Variants in NR1D2 observed in about 807,000 individuals in gnomAD.
NR1D2 encodes V-erbA-related protein 1-related.
Under a neutral mutation model 52.2 loss-of-function variants are expected in NR1D2, and 25 were observed. That is an observed-to-expected ratio of 0.48 (90% CI 0.35 to 0.67). The LOEUF (loss-of-function observed/expected upper bound fraction) is 0.67. Among genes scored for constraint, NR1D2 ranks in the 30% least tolerant of loss-of-function variants. The pLI, the probability that NR1D2 is intolerant of heterozygous loss-of-function variation, is 0.01. For synonymous variants in NR1D2, 259 were observed against 230.1 expected (o/e 1.13, Z -1.14); for missense variants, 681 against 707.2 (o/e 0.96, Z 0.42).
intron 3 of NR1D2, 29 bp from the exon 4 acceptor site, chr3:23,959,642 T>C (rs747737012): frequency 6.3e-7 from 1 of 1,598,612 alleles, no homozygotes; most frequent in African/African-American, 1.4e-5. Flanking sequence ...TGTTTTTAAA[T>C]GGGTAAGTAA....
At chr3:23,967,686 C>A in intron 6 of NR1D2, 127 bp from the exon 7 acceptor site, 1 of 654,816 alleles carries the variant, frequency 1.5e-6, no homozygotes. Flanking sequence ...TAAAAGTATA[C>A]CCTGTTTTTC....
Position 23,959,971 on chromosome 3 carries a change from T to C in NR1D2, c.517+156T>C, listed in dbSNP as rs1320088262. ...CATGCTTTACAGGACACCAAATTGATTAAAGTCGTATTTTAGCATTATCAT... is the reference window on the plus strand; with the variant it reads ...CATGCTTTACAGGACACCAAATTGACTAAAGTCGTATTTTAGCATTATCAT... On this transcript the variant is annotated intron_variant, in intron 4 of 7. Coordinates refer to ENST00000312521, the MANE Select transcript of NR1D2 (RefSeq NM_005126.5). 1.5e-5 allele frequency: 8 copies of C among 546,512 alleles called. No homozygotes were observed. The East Asian group carries it at 2.4e-4, about 16-fold the overall frequency. 33.9% of individuals were successfully genotyped at this position (546,512 alleles called of 1,614,324 possible).
At chr3:23,973,692 A>C (rs1706649141) in intron 7 of NR1D2, among the ~76,000 whole-genome samples, 1 of 152,164 alleles carries the variant, frequency 6.6e-6, no homozygotes, top group African/African-American at 2.4e-5. Context: ...AATTAACCTT[A>C]GCTTGCTCTG....
At chr3:23,957,437 C>G (rs1166708092) in intron 3 of NR1D2, among the ~76,000 whole-genome samples, 2 of 130,792 alleles carry the variant, frequency 1.5e-5, no homozygotes, top group South Asian at 4.7e-4. Context: ...AAGTAATAGG[C>G]CAGGTGCGGT....
intron 6 of NR1D2, among the ~76,000 whole-genome samples, chr3:23,967,062 A>T (rs1405559182): frequency 6.6e-6 from 1 of 152,182 alleles, no homozygotes; most frequent in Non-Finnish European, 1.5e-5. Context: ...GCTGTGGCTC[A>T]TGCCTGTAAT....
intron 6 of NR1D2, among the ~76,000 whole-genome samples, chr3:23,967,493 G>A (rs953574930): frequency 2.0e-5 from 3 of 152,060 alleles, no homozygotes; most frequent in African/African-American, 7.2e-5. Context: ...GCGCACACCT[G>A]TAATCCCAGC....
intron 3 of NR1D2, among the ~76,000 whole-genome samples, chr3:23,957,902 A>G (rs1481401478): frequency 2.6e-5 from 4 of 152,258 alleles, no homozygotes; most frequent in Non-Finnish European, 5.9e-5. Flanking sequence ...TAGTATCACA[A>G]TAATAAAATA....
chr3:23,959,371 CAG>C (rs1462171088), intron 3 of NR1D2, among the ~76,000 whole-genome samples: 2 of 150,952 alleles, frequency 1.3e-5, no homozygotes, highest in Non-Finnish European at 1.5e-5. Flanking sequence ...GGTCTGGTAA[CAG>C]GGTAGTGTGG....
intron 1 of NR1D2, among the ~76,000 whole-genome samples, chr3:23,951,889 G>A (rs371221866): frequency 5.3e-5 from 8 of 152,168 alleles, no homozygotes; most frequent in South Asian, 2.1e-4. Flanking sequence ...AAATAAACTC[G>A]AAGTTGGGAA....
At chr3:23,963,451 C>T in intron 5 of NR1D2, 1 of 1,141,592 alleles carries the variant, frequency 8.8e-7, no homozygotes, top group Non-Finnish European at 1.1e-6. Flanking sequence ...TAAGTCGTTG[C>T]TTTTTTGTTT....
chr3:23,961,346 G>A (rs1706236464), intron 4 of NR1D2, among the ~76,000 whole-genome samples: 1 of 145,842 alleles, frequency 6.9e-6, no homozygotes, highest in South Asian at 2.2e-4. Flanking sequence ...GCTTCAAACT[G>A]GTTTTCATTA....
At position 23,968,029 on chromosome 3, in the gene NR1D2, C is replaced by T. The variant is rs1297007766; in HGVS notation, c.1543+6C>T. 1 of 1,612,658 alleles carries T rather than the reference C, an allele frequency of 6.2e-7. No homozygotes were observed. Among genetic ancestry groups the T allele is most frequent in the East Asian group, 2.2e-5 (1 of 44,866 alleles). On this transcript the variant is annotated splice_donor_region_variant and intron_variant, in intron 7 of 7. Transcript: ENST00000312521. ...TGTTGTCCTGGTATCTGCAGGTAAG[C>T]AAGCTGGTTCAAAATTGTGCCACAC...
At chr3:23,957,184 C>T (rs1706101104) in intron 3 of NR1D2, among the ~76,000 whole-genome samples, 3 of 151,730 alleles carry the variant, frequency 2.0e-5, no homozygotes, top group South Asian at 4.2e-4. Context: ...GGTTTCATCA[C>T]ATTGGCCAGG....
chr3:23,951,036 G>C (rs1008228810), intron 1 of NR1D2, among the ~76,000 whole-genome samples: 1 of 151,776 alleles, frequency 6.6e-6, no homozygotes, highest in African/African-American at 2.4e-5. Flanking sequence ...CTCCTGAGGA[G>C]CTGGGATTAC....
At chr3:23,961,102 T>G (rs570302135) in intron 4 of NR1D2, among the ~76,000 whole-genome samples, 4 of 152,214 alleles carry the variant, frequency 2.6e-5, no homozygotes, top group Admixed American at 1.3e-4. Flanking sequence ...TTGTGGAATT[T>G]TTTTTAAGGA....
chr3:23,946,258 C>G (rs1705702922), intron 1 of NR1D2: 2 of 985,042 alleles, frequency 2.0e-6, no homozygotes, highest in South Asian at 4.7e-5. Context: ...CGCGAGGTGA[C>G]CCCAAGGCGC....
At chr3:23,950,902 CTTTT>C (rs1181448290) in intron 1 of NR1D2, among the ~76,000 whole-genome samples, 3 of 123,104 alleles carry the variant, frequency 2.4e-5, no homozygotes, top group Non-Finnish European at 3.3e-5. Context: ...CTTTCTTTTT[CTTTT>C]TTTTTTTTTT....
At chr3:23,973,423 T>G (rs1282920077) in intron 7 of NR1D2, among the ~76,000 whole-genome samples, 1 of 152,202 alleles carries the variant, frequency 6.6e-6, no homozygotes, top group Non-Finnish European at 1.5e-5. Flanking sequence ...TGTAACACAA[T>G]AAGTATTTGT....
chr3:23,968,150 G>A, intron 7 of NR1D2, 127 bp downstream of exon 7: 1 of 678,416 alleles, frequency 1.5e-6, no homozygotes, highest in South Asian at 1.8e-5. Context: ...ATGCTAAATT[G>A]TATGACCCTG....
Sources: allele counts gnomAD v4.1 joint callset (sites outside exome capture counted in the v4.1 genomes callset), GRCh38; gene constraint gnomAD v4.1.1; transcripts MANE v1.5; gene names NCBI Gene and HGNC (gene_info 2026-07-23, HGNC 2026-07-21).